Variants in C2orf66 observed in about 807,000 individuals in gnomAD.
C2orf66 encodes chromosome 2 open reading frame 66, also known as uncharacterized protein C2orf66.
Under a neutral mutation model 7.0 loss-of-function variants are expected in C2orf66, and 6 were observed. The ratio of observed to expected loss-of-function variants is 0.86; its 90% CI spans 0.47 to 1.69. C2orf66 has a LOEUF of 1.69. Ranked by LOEUF, C2orf66 falls within the 40% of genes most tolerant of loss-of-function variation. The pLI is 0.01. For synonymous variants in C2orf66, 38 were observed against 43.8 expected (o/e 0.87, Z 0.52); for missense variants, 107 against 112.0 (o/e 0.96, Z 0.20).
At chr2:196,814,783 A>C in the C2orf66 span, among the ~76,000 whole-genome samples, 1 of 152,190 alleles carries the variant, frequency 6.6e-6, no homozygotes, top group South Asian at 2.1e-4. Flanking sequence ...CCATTTGTAT[A>C]AAAACATAGT....
At chr2:196,822,518 T>A in the C2orf66 span, among the ~76,000 whole-genome samples, 71 of 152,348 alleles carry the variant, frequency 4.7e-4, 1 homozygote, top group South Asian at 0.014. Flanking sequence ...AAACTGCAAT[T>A]TGGTTCCACC....
At chr2:196,830,871 G>A in the C2orf66 span, among the ~76,000 whole-genome samples, 1 of 152,112 alleles carries the variant, frequency 6.6e-6, no homozygotes, top group African/African-American at 2.4e-5. Context: ...GGGGGTCCCA[G>A]GGCTTTTCAC....
At chr2:196,809,117 C>T (rs1699846017) in intron 1 of C2orf66, 97 bp downstream of exon 1, 5 of 1,280,062 alleles carry the variant, frequency 3.9e-6, no homozygotes, top group Non-Finnish European at 5.4e-6. Context: ...CTTGGTAGCC[C>T]CCTTTCCACT....
rs80189003 is a variant in C2orf66 at position 196,807,929 on chromosome 2, G to A, written c.124-307C>T. 1.4e-3 allele frequency among the ~76,000 whole-genome samples: 213 copies of A among 152,302 alleles called. 3 individuals carry two copies. In the East Asian group the frequency reaches 0.03, roughly 22 times the overall value. On this transcript the variant is annotated intron_variant, in intron 1 of 2. Coordinates refer to ENST00000342506, the MANE Select transcript of C2orf66 (RefSeq NM_213608.3). ...CTATCTCTGAGTACTAAGGTCAAAGGTGAAAATGAACTCCATAATAAGCAG... is the reference window on the plus strand; with the variant it reads ...CTATCTCTGAGTACTAAGGTCAAAGATGAAAATGAACTCCATAATAAGCAG...
chr2:196,813,334 C>T (rs76160736), upstream of C2orf66, among the ~76,000 whole-genome samples: 18,867 of 152,012 alleles, frequency 0.12, 1,180 homozygotes, highest in Non-Finnish European at 0.14. Context: ...GGGAAAGGAT[C>T]CCCTATTTAA....
At chr2:196,817,538 C>A in the C2orf66 span, among the ~76,000 whole-genome samples, 1 of 152,028 alleles carries the variant, frequency 6.6e-6, no homozygotes, top group South Asian at 2.1e-4. Flanking sequence ...CCTGGCCGCA[C>A]GTATTGTCTT....
chr2:196,811,601 G>A (rs62185627), upstream of C2orf66, among the ~76,000 whole-genome samples: 1 of 152,052 alleles, frequency 6.6e-6, no homozygotes, highest in Non-Finnish European at 1.5e-5. Flanking sequence ...ATATCAAACC[G>A]AGGCATGGAG....
At position 196,809,278 on chromosome 2, in the gene C2orf66, T is replaced by G. The variant is rs184119357; in HGVS notation, c.59A>C (p.Asn20Thr). Residue 20 changes from asparagine to threonine, a missense_variant, in exon 1 of 3, where the codon AAT becomes ACT. Coordinates refer to ENST00000342506, the MANE Select transcript of C2orf66 (RefSeq NM_213608.3). Reference protein sequence around the residue: ...CVALVLLGHVNGATVRNEDKW... With the variant: ...CVALVLLGHVTGATVRNEDKW... ...GTCCTCATTTCTTACTGTGGCTCCA[T>G]TCACATGCCCAAGCAGCACCAGGGC... is the stretch of plus-strand genomic sequence containing the variant. The G allele has an allele frequency of 2.4e-4, 382 of 1,614,152 alleles. 1 individual carries two copies. Among genetic ancestry groups the G allele is most frequent in the Non-Finnish European group, 3.0e-4 (352 of 1,180,012 alleles).
chr2:196,805,255 C>G lies in C2orf66; in HGVS notation c.*173G>C, dbSNP rs1056062627. 2 of 151,676 alleles carry G rather than the reference C, an allele frequency of 1.3e-5. No individual in the cohort carries two copies. The highest frequency in any genetic ancestry group is 4.8e-5 in the African/African-American group (2 of 41,260). The allele number at this position is 151,676 out of a possible 1,614,324, so 9.4% of individuals were successfully genotyped here. ...ATATGCATAGAAATCATAGTTCCAG[C>G]GATTTATATGTAAATATGGAAATGT... On this transcript the variant is annotated 3_prime_UTR_variant, in exon 3 of 3. Transcript: ENST00000342506.
chr2:196,807,413 C>A lies in C2orf66; in HGVS notation c.*19+11G>T. 1 of 1,557,240 alleles carries A rather than the reference C, an allele frequency of 6.4e-7. No homozygotes were observed. Among genetic ancestry groups the A allele is most frequent in the Non-Finnish European group, 8.7e-7 (1 of 1,144,024 alleles). On this transcript the variant is annotated intron_variant, in intron 2 of 2. Coordinates refer to ENST00000342506, the MANE Select transcript of C2orf66 (RefSeq NM_213608.3). The stretch of plus-strand genomic sequence containing the variant: ...GTTTGGACAGATCCAGAATAAAGGG[C>A]CAACTTTTACCTGAGCTCAGAAGAA...
chr2:196,813,257 C>A (rs557336138), upstream of C2orf66, among the ~76,000 whole-genome samples: 1 of 152,208 alleles, frequency 6.6e-6, no homozygotes, highest in African/African-American at 2.4e-5. Flanking sequence ...AGAACAGAGC[C>A]CTCAGAAATA....
chr2:196,807,302 G>A lies in C2orf66; in HGVS notation c.*19+122C>T, dbSNP rs946025620. The A allele has an allele frequency of 2.6e-5, 16 of 621,512 alleles. No individual in the cohort carries two copies. The African/African-American group carries it at 2.8e-4, about 11-fold the overall frequency. The allele number at this position is 621,512 out of a possible 1,614,324, so 38.5% of individuals were successfully genotyped here. A position where few individuals can be genotyped will look rare whatever the true frequency, so the allele number is the denominator to read the frequency against. ...TACTTAATAGTAATGAGTATAAGCAGAACTGAGCATTTATTTCTATGAGGA... is the reference window on the plus strand; with the variant it reads ...TACTTAATAGTAATGAGTATAAGCAAAACTGAGCATTTATTTCTATGAGGA... On this transcript the variant is annotated intron_variant, in intron 2 of 2. Transcript: ENST00000342506.
At chr2:196,828,822 A>G in the C2orf66 span, among the ~76,000 whole-genome samples, 1 of 152,194 alleles carries the variant, frequency 6.6e-6, no homozygotes, top group Admixed American at 6.5e-5. Context: ...TGACAGCCAG[A>G]AAACAGGGAC....
chr2:196,825,366 A>G, the C2orf66 span, among the ~76,000 whole-genome samples: 3 of 152,182 alleles, frequency 2.0e-5, no homozygotes, highest in African/African-American at 2.4e-5. Flanking sequence ...ATGAGATAAC[A>G]CCTCACATGT....
the C2orf66 span, among the ~76,000 whole-genome samples, chr2:196,817,098 T>A: frequency 1.3e-5 from 2 of 152,070 alleles, no homozygotes; most frequent in East Asian, 3.9e-4. Flanking sequence ...AAAGATCACA[T>A]GCTTCTGAGG....
upstream of C2orf66, among the ~76,000 whole-genome samples, chr2:196,812,367 T>A (rs1289658315): frequency 6.6e-6 from 1 of 152,196 alleles, no homozygotes; most frequent in African/African-American, 2.4e-5. Context: ...GAAAAGGCCT[T>A]CGGCAAAATT....
upstream of C2orf66, chr2:196,810,339 A>AT (rs1699862697): frequency 6.6e-6 from 1 of 152,174 alleles, no homozygotes; most frequent in African/African-American, 2.4e-5. Flanking sequence ...AGTTAACAGC[A>AT]TTTTTTGAAC....
the C2orf66 span, among the ~76,000 whole-genome samples, chr2:196,828,298 G>C: frequency 4.0e-5 from 6 of 150,250 alleles, no homozygotes; most frequent in East Asian, 2.0e-4. Flanking sequence ...AGCAACCTAG[G>C]GGTGGGAGAC....
In C2orf66 at chr2:196,804,657, G is replaced by T. The variant is rs1559311007; in HGVS notation, c.*771C>A. Reference sequence around the variant, plus strand: ...AACTCAGCATGAGCTAGAGTAAGGAGAGCAGGGGCTGGTTGGAAAGAGAGG... The same window carrying T: ...AACTCAGCATGAGCTAGAGTAAGGATAGCAGGGGCTGGTTGGAAAGAGAGG... On this transcript the variant is annotated 3_prime_UTR_variant, in exon 3 of 3. Coordinates refer to ENST00000342506, the MANE Select transcript of C2orf66 (RefSeq NM_213608.3). Among the ~76,000 whole-genome samples the T allele has an allele frequency of 1.3e-5, 2 of 152,230 alleles. No homozygotes were observed. The highest frequency in any genetic ancestry group is 2.9e-5 in the Non-Finnish European group (2 of 68,042).
Sources: allele counts gnomAD v4.1 joint callset (sites outside exome capture counted in the v4.1 genomes callset), GRCh38; gene constraint gnomAD v4.1.1; transcripts MANE v1.5; gene names NCBI Gene and HGNC (gene_info 2026-07-23, HGNC 2026-07-21).